CCDC102B: variants seen among roughly 807,000 people sequenced by gnomAD.
CCDC102B encodes the protein coiled-coil domain containing 102B.
CCDC102B carries 75 observed loss-of-function variants against 57.4 expected under a neutral mutation model. That is an observed-to-expected ratio of 1.31 (90% CI 1.08 to 1.58). The LOEUF is 1.58. Among genes scored for constraint, CCDC102B ranks in the 40% most tolerant of loss-of-function variants. The pLI is 0.00. For missense variants in CCDC102B, 636 were observed against 582.6 expected (o/e 1.09, Z -0.94); for synonymous variants, 206 against 201.9 (o/e 1.02, Z -0.17).
In CCDC102B at chr18:68,837,279, C is replaced by A. The variant is rs766727060; in HGVS notation, c.516C>A (p.Asp172Glu). ...GFVEESCEHT[D>E]QFQLSSQMHE... ...TAGAAGAATCCTGTGAACATACAGA[C>A]CAATTTCAATTGAGTTCACAAATGC... The change falls in exon 2 of 8, where the codon GAC becomes GAA. Residue 172 changes from aspartate (D) to glutamate (E), a missense_variant. Coordinates refer to ENST00000360242, the MANE Select transcript of CCDC102B (RefSeq NM_024781.3). The A allele has an allele frequency of 2.5e-6, 4 of 1,614,024 alleles. No individual in the cohort carries two copies. In the South Asian group the frequency reaches 4.4e-5, roughly 18 times the overall value.
At chr18:68,962,237 C>T (rs1216854619) in intron 6 of CCDC102B, among the ~76,000 whole-genome samples, 1 of 151,986 alleles carries the variant, frequency 6.6e-6, no homozygotes, top group African/African-American at 2.4e-5. Context: ...TCATTTACTC[C>T]TTGGAGTCTC....
chr18:68,765,533 G>A (rs1640621809), intron 2 of CCDC102B, among the ~76,000 whole-genome samples: 1 of 151,940 alleles, frequency 6.6e-6, no homozygotes, highest in Non-Finnish European at 1.5e-5. Flanking sequence ...AATAGAAAGA[G>A]AAAATAAGTG....
intron 1 of CCDC102B, chr18:68,715,671 GGA>G (rs2031912262): frequency 1.3e-5 from 2 of 152,140 alleles, no homozygotes; most frequent in South Asian, 4.1e-4. Flanking sequence ...GTTAAGCGTA[GGA>G]TATTTTTTGA....
At position 68,881,448 on chromosome 18, in the gene CCDC102B, A is replaced by G. The variant is rs114774639; in HGVS notation, c.1053+6663A>G. The stretch of plus-strand genomic sequence containing the variant: ...TTTTATGTGTCAACTTGACTAGGCC[A>G]TAGGGTGCCCAGACATTTGTCCAAA... On this transcript the variant is annotated intron_variant, in intron 5 of 7. Transcript: ENST00000360242. 4.1e-3 allele frequency among the ~76,000 whole-genome samples: 625 copies of G among 152,334 alleles called. 3 individuals are homozygous for G. Among genetic ancestry groups the G allele is most frequent in the African/African-American group, 0.014 (580 of 41,578 alleles).
At chr18:69,044,269 G>A (rs2052504318) in intron 7 of CCDC102B, among the ~76,000 whole-genome samples, 1 of 152,118 alleles carries the variant, frequency 6.6e-6, no homozygotes, top group African/African-American at 2.4e-5. Flanking sequence ...TACTTCTAAT[G>A]AACATTGCTT....
chr18:68,837,517 C>T, intron 2 of CCDC102B, 148 bp downstream of exon 2: 1 of 773,320 alleles, frequency 1.3e-6, no homozygotes, highest in Non-Finnish European at 2.1e-6. Flanking sequence ...GTTTAAGCAA[C>T]AGAAATTCAT....
At chr18:68,955,840 A>C (rs2049830417) in intron 6 of CCDC102B, among the ~76,000 whole-genome samples, 1 of 152,146 alleles carries the variant, frequency 6.6e-6, no homozygotes, top group Admixed American at 6.5e-5. Context: ...ATACAGGCTA[A>C]ATGTGTAGTA....
chr18:68,741,771 A>C (rs1159187861), intron 2 of CCDC102B, among the ~76,000 whole-genome samples: 1 of 151,986 alleles, frequency 6.6e-6, no homozygotes, highest in African/African-American at 2.4e-5. Context: ...TTGCGAGAAC[A>C]GGGTGGCTCC....
intron 7 of CCDC102B, among the ~76,000 whole-genome samples, chr18:69,042,480 G>C (rs1384552126): frequency 1.3e-5 from 2 of 151,968 alleles, no homozygotes; most frequent in Non-Finnish European, 2.9e-5. Flanking sequence ...TGTCTCACTG[G>C]ACCCGCAGCA....
At chr18:68,961,019 G>A (rs1283475684) in intron 6 of CCDC102B, among the ~76,000 whole-genome samples, 1 of 151,996 alleles carries the variant, frequency 6.6e-6, no homozygotes, top group East Asian at 1.9e-4. Flanking sequence ...AATTCCAGTT[G>A]GCTTCTTATA....
intron 2 of CCDC102B, among the ~76,000 whole-genome samples, chr18:68,785,842 A>C (rs1381128267): frequency 6.6e-6 from 1 of 151,018 alleles, no homozygotes; most frequent in Non-Finnish European, 1.5e-5. Context: ...ATTAGATCCC[A>C]TTTGTCAATT....
At chr18:69,043,474 G>A (rs1427324175) in intron 7 of CCDC102B, among the ~76,000 whole-genome samples, 1 of 152,046 alleles carries the variant, frequency 6.6e-6, no homozygotes, top group African/African-American at 2.4e-5. Flanking sequence ...CACATGGGGA[G>A]AAACCTTGGA....
At chr18:69,051,682 A>C (rs965002094) in intron 7 of CCDC102B, among the ~76,000 whole-genome samples, 1 of 150,424 alleles carries the variant, frequency 6.6e-6, no homozygotes, top group Non-Finnish European at 1.5e-5. Flanking sequence ...ATAAATTATC[A>C]AAAAAAGGGT....
intron 6 of CCDC102B, among the ~76,000 whole-genome samples, chr18:68,947,681 C>A (rs2049580106): frequency 1.3e-5 from 2 of 152,028 alleles, no homozygotes; most frequent in South Asian, 4.1e-4. Flanking sequence ...TAACCCTGAG[C>A]ATATTTTATT....
chr18:69,026,253 G>A (rs2051986867), intron 7 of CCDC102B, among the ~76,000 whole-genome samples: 2 of 152,210 alleles, frequency 1.3e-5, no homozygotes, highest in South Asian at 4.1e-4. Flanking sequence ...ATCACCTGAG[G>A]TCAGGAGTTC....
chr18:68,869,607 G>C (rs72951220), intron 4 of CCDC102B, among the ~76,000 whole-genome samples: 7,503 of 152,286 alleles, frequency 0.049, 243 homozygotes, highest in Middle Eastern at 0.061. Context: ...GTTCGTTATA[G>C]ATTCTGGATA....
chr18:68,899,789 A>G (rs1357174436), intron 6 of CCDC102B: 1 of 152,126 alleles, frequency 6.6e-6, no homozygotes, highest in Non-Finnish European at 1.5e-5. Flanking sequence ...ACATGGTTTT[A>G]CATTTGGTTT....
In CCDC102B at chr18:68,956,468, T is replaced by TATAA. The variant is rs370415816; in HGVS notation, c.1264-54463_1264-54462insAATA. Among the ~76,000 whole-genome samples, 93 of 49,566 alleles carry TATAA rather than the reference T, an allele frequency of 1.9e-3. 3 individuals carry two copies. The highest frequency in any genetic ancestry group is 8.6e-3 in the African/African-American group (56 of 6,548). The allele number at this position is 49,566 out of a possible 152,430, so 32.5% of individuals were successfully genotyped here. A position where few individuals can be genotyped will look rare whatever the true frequency, so the allele number is the denominator to read the frequency against. Reference sequence around the variant, plus strand: ...TTATATATATTATATATTTTATATATATATTATATATATATAATATATATA... The same window carrying TATAA: ...TTATATATATTATATATTTTATATATATAAATATTATATATATATAATATATATA... On this transcript the variant is annotated intron_variant, in intron 6 of 7. Coordinates refer to ENST00000360242, the MANE Select transcript of CCDC102B (RefSeq NM_024781.3).
chr18:68,800,039 A>T (rs1286105788), intron 1 of CCDC102B, among the ~76,000 whole-genome samples: 2 of 151,948 alleles, frequency 1.3e-5, no homozygotes, highest in African/African-American at 4.8e-5. Context: ...ACATAATAGC[A>T]TTTTCTGCTT....
Sources: gnomAD v4.1 joint callset for allele counts (sites outside exome capture counted in the v4.1 genomes callset) on GRCh38, gnomAD v4.1.1 for gene constraint, MANE v1.5 for transcripts, NCBI Gene and HGNC (gene_info 2026-07-23, HGNC 2026-07-21) for gene names.